FAF1: variants seen among roughly 807,000 people sequenced by gnomAD.
FAF1 encodes Fas associated factor 1, also known as FAS-associated factor 1.
In FAF1, 25 loss-of-function variants were observed where a neutral mutation model predicts 92.5. That is an observed-to-expected ratio of 0.27 (90% CI 0.20 to 0.38). The LOEUF (loss-of-function observed/expected upper bound fraction) is 0.38, where lower values mean the gene tolerates loss of function less well. Ranked by LOEUF, FAF1 falls within the 10% of genes least tolerant of loss-of-function variation. The probability of loss-of-function intolerance (pLI) is 1.00; values close to 1 mark genes in which losing one functional copy is unlikely to be tolerated. For missense variants in FAF1, 636 were observed against 793.3 expected (o/e 0.80, Z 2.38); for synonymous variants, 234 against 273.2 (o/e 0.86, Z 1.42).
intron 8 of FAF1, among the ~76,000 whole-genome samples, chr1:50,640,496 G>A (rs1451444044): frequency 4.0e-5 from 6 of 151,788 alleles, no homozygotes; most frequent in South Asian, 2.1e-4. Context: ...AGGTTTCACC[G>A]TGTTAGCCAG....
intron 1 of FAF1, among the ~76,000 whole-genome samples, chr1:50,896,735 T>C (rs1053515153): frequency 2.0e-5 from 3 of 152,202 alleles, no homozygotes; most frequent in Non-Finnish European, 4.4e-5. Context: ...CCTAAAGTAG[T>C]AAAACTCTTA....
intron 17 of FAF1, among the ~76,000 whole-genome samples, chr1:50,478,126 T>C (rs963348269): frequency 6.6e-6 from 1 of 152,168 alleles, no homozygotes; most frequent in Non-Finnish European, 1.5e-5. Context: ...TTTTCTAAAC[T>C]GTTAATGGGA....
chr1:50,903,674 T>C (rs538319660), intron 1 of FAF1, among the ~76,000 whole-genome samples: 5 of 152,296 alleles, frequency 3.3e-5, no homozygotes, highest in African/African-American at 1.2e-4. Context: ...AAAAATTCAA[T>C]TTGCTAACCA....
intron 8 of FAF1, among the ~76,000 whole-genome samples, chr1:50,625,956 A>G (rs934835290): frequency 1.3e-5 from 2 of 152,214 alleles, no homozygotes; most frequent in African/African-American, 4.8e-5. Context: ...AGAAAGTTAT[A>G]AGAGTCTAAA....
chr1:50,793,011 A>T (rs1361660534), intron 3 of FAF1, among the ~76,000 whole-genome samples: 2 of 151,840 alleles, frequency 1.3e-5, no homozygotes, highest in African/African-American at 4.8e-5. Context: ...CTTTTTTTTT[A>T]TGGCGGAGTC....
intron 2 of FAF1, among the ~76,000 whole-genome samples, chr1:50,820,412 C>T (rs761313323): frequency 6.6e-6 from 1 of 152,066 alleles, no homozygotes; most frequent in Non-Finnish European, 1.5e-5. Flanking sequence ...TATGTATACA[C>T]TGTGTAATGA....
intron 15 of FAF1, among the ~76,000 whole-genome samples, chr1:50,508,615 G>T (rs959379474): frequency 1.3e-5 from 2 of 152,064 alleles, no homozygotes; most frequent in Non-Finnish European, 2.9e-5. Context: ...CTAATGGGTA[G>T]GGGGGTGATA....
intron 8 of FAF1, among the ~76,000 whole-genome samples, chr1:50,637,454 A>C (rs990206436): frequency 6.6e-6 from 1 of 151,590 alleles, no homozygotes; most frequent in African/African-American, 2.4e-5. Flanking sequence ...CTCCGTCTCA[A>C]AAAAAGAAAA....
At chr1:50,942,750 T>G (rs536772911) in intron 1 of FAF1, among the ~76,000 whole-genome samples, 12 of 151,724 alleles carry the variant, frequency 7.9e-5, no homozygotes, top group South Asian at 2.1e-4. Context: ...TGTCGTTGTT[T>G]TTTTTTTTTT....
intron 6 of FAF1, among the ~76,000 whole-genome samples, chr1:50,713,233 A>AAGAAATAATGAAAC (rs1311129156): frequency 1.9e-5 from 1 of 53,662 alleles, no homozygotes; most frequent in Non-Finnish European, 4.0e-5. Context: ...GTGTTAACCA[A>AAGAAATAATGAAAC]AGAAATAATG....
chr1:50,826,460 G>C (rs535556550), intron 2 of FAF1, among the ~76,000 whole-genome samples: 1 of 151,562 alleles, frequency 6.6e-6, no homozygotes, highest in South Asian at 2.1e-4. Flanking sequence ...CAAGGCAGGA[G>C]AATCACTTGC....
chr1:50,882,630 A>C (rs1053095834), intron 1 of FAF1, among the ~76,000 whole-genome samples: 2 of 151,032 alleles, frequency 1.3e-5, no homozygotes, highest in African/African-American at 4.9e-5. Context: ...ATAAATAAAT[A>C]AATAAATAAA....
chr1:50,794,686 C>T lies in FAF1; in HGVS notation c.162-6481G>A, dbSNP rs1415164890. Among the ~76,000 whole-genome samples the T allele has an allele frequency of 2.0e-5, 3 of 152,118 alleles. No homozygotes were observed. In the East Asian group the frequency reaches 5.8e-4, roughly 29 times the overall value. ...TTGCCCAGGCTGGAGTGAAATGGTG[C>T]AATCTTGCCTCACTGCAACCTCTGC... On this transcript the variant is annotated intron_variant, in intron 3 of 18. Transcript: ENST00000396153.
intron 2 of FAF1, among the ~76,000 whole-genome samples, chr1:50,827,365 A>C (rs1012106431): frequency 6.6e-6 from 1 of 152,182 alleles, no homozygotes; most frequent in Non-Finnish European, 1.5e-5. Context: ...GTGCTGTGTC[A>C]ACTCAGGGTT....
intron 1 of FAF1, among the ~76,000 whole-genome samples, chr1:50,954,784 C>G (rs779765727): frequency 6.6e-6 from 1 of 152,054 alleles, no homozygotes; most frequent in Non-Finnish European, 1.5e-5. Context: ...CTCAAGTGAT[C>G]CGCCTGCCTC....
At chr1:50,580,172 T>C (rs891270761) in intron 12 of FAF1, among the ~76,000 whole-genome samples, 1 of 152,058 alleles carries the variant, frequency 6.6e-6, no homozygotes, top group African/African-American at 2.4e-5. Flanking sequence ...TATTTGAAGT[T>C]TTAATTATTT....
chr1:50,578,118 T>C (rs930185660), intron 12 of FAF1, among the ~76,000 whole-genome samples: 3 of 152,234 alleles, frequency 2.0e-5, no homozygotes, highest in Non-Finnish European at 4.4e-5. Context: ...AAACATTTAA[T>C]GAGTATATAA....
rs564048098 is a variant in FAF1, at chr1:50,856,817, T to C, written c.114+1112A>G. Among the ~76,000 whole-genome samples, 4 of 151,850 alleles carry C rather than the reference T, an allele frequency of 2.6e-5. No homozygotes were observed. The East Asian group carries it at 5.8e-4, about 22-fold the overall frequency. ...CAAAAATCTTAAATACCCAACAGCA[T>C]AGGACTAGTTGGTTAATTATGTTAC... On this transcript the variant is annotated intron_variant, in intron 2 of 18. Transcript: ENST00000396153.
chr1:50,643,847 C>G (rs1170946455), intron 8 of FAF1, among the ~76,000 whole-genome samples: 3 of 152,258 alleles, frequency 2.0e-5, no homozygotes, highest in African/African-American at 4.8e-5. Context: ...CCCGCCTCAG[C>G]TTCCCAAAGT....
Sources: gnomAD v4.1 joint callset for allele counts (sites outside exome capture counted in the v4.1 genomes callset) on GRCh38, gnomAD v4.1.1 for gene constraint, MANE v1.5 for transcripts, NCBI Gene and HGNC (gene_info 2026-07-23, HGNC 2026-07-21) for gene names.